Variants in PARVB observed in about 807,000 individuals in gnomAD.
The protein encoded by PARVB is beta-parvin.
PARVB carries 46 observed loss-of-function variants against 47.0 expected under a neutral mutation model. The ratio of observed to expected loss-of-function variants is 0.98; its 90% confidence interval spans 0.77 to 1.25. The LOEUF is 1.25. Among genes scored for constraint, PARVB ranks in the 50% most tolerant of loss-of-function variants. The pLI, the probability that PARVB is intolerant of heterozygous loss-of-function variation, is 0.00. For synonymous variants in PARVB, 196 were observed against 196.3 expected, an observed-to-expected ratio of 1.00 and a Z score of 0.01; for missense variants, 473 against 471.6, an observed-to-expected ratio of 1.00 and a Z score of -0.03.
At chr22:44,032,893 C>T (rs1362298258) in intron 1 of PARVB, among the ~76,000 whole-genome samples, 1 of 152,170 alleles carries the variant, frequency 6.6e-6, no homozygotes, top group East Asian at 1.9e-4. Context: ...GGCTGTCACC[C>T]CCAGAACAGG....
At chr22:44,058,588 T>TCTA (rs2051359414) in intron 1 of PARVB, among the ~76,000 whole-genome samples, 1 of 131,838 alleles carries the variant, frequency 7.6e-6, no homozygotes, top group Non-Finnish European at 1.5e-5. Flanking sequence ...GGAGTCTCAC[T>TCTA]CTGTAGCCCA....
intron 2 of PARVB, among the ~76,000 whole-genome samples, chr22:44,016,508 A>G (rs867692110): frequency 2.0e-4 from 30 of 152,300 alleles, no homozygotes; most frequent in African/African-American, 6.7e-4. Flanking sequence ...CCCCAGACAA[A>G]TGAGGCCACT....
intron 3 of PARVB, among the ~76,000 whole-genome samples, chr22:44,101,743 C>A: frequency 6.9e-6 from 1 of 145,914 alleles, no homozygotes; most frequent in African/African-American, 2.7e-5. Context: ...AGTAAAACTC[C>A]ATCTCACAGA....
At chr22:44,043,591 A>G (rs2051060622) in intron 1 of PARVB, among the ~76,000 whole-genome samples, 1 of 152,106 alleles carries the variant, frequency 6.6e-6, no homozygotes, top group Admixed American at 6.6e-5. Flanking sequence ...GTTGGCCAGG[A>G]TGGTCTCAAT....
At chr22:44,040,742 G>A (rs1193837930) in intron 1 of PARVB, among the ~76,000 whole-genome samples, 7 of 152,300 alleles carry the variant, frequency 4.6e-5, no homozygotes, top group South Asian at 4.1e-4. Flanking sequence ...GAGGCCGGGC[G>A]CGGTGGCTCA....
At chr22:43,999,834 G>GAAAAAAAAAAAAAAAAAAAAAAA (rs113458130) in intron 2 of PARVB, among the ~76,000 whole-genome samples, 1 of 69,362 alleles carries the variant, frequency 1.4e-5, no homozygotes. Flanking sequence ...CCATCTATAT[G>GAAAAAAAAAAAAAAAAAAAAAAA]AAAAAAAAAA....
At chr22:44,020,786 C>G (rs545077169), upstream of PARVB, among the ~76,000 whole-genome samples, 311 of 145,772 alleles carry the variant, frequency 2.1e-3, no homozygotes, top group African/African-American at 7.2e-3. Flanking sequence ...TCTGTCCTTT[C>G]TTTTTTTTTT....
chr22:44,073,962 T>A (rs2051709760), intron 1 of PARVB, among the ~76,000 whole-genome samples: 1 of 152,214 alleles, frequency 6.6e-6, no homozygotes, highest in Admixed American at 6.5e-5. Context: ...GTGCAGCCAT[T>A]TGGTGGACAC....
At chr22:44,160,124 C>T (rs2054020609) in intron 11 of PARVB, among the ~76,000 whole-genome samples, 1 of 152,214 alleles carries the variant, frequency 6.6e-6, no homozygotes, top group African/African-American at 2.4e-5. Flanking sequence ...TGTTGCAAAG[C>T]CACTGTTTGA....
chr22:44,015,936 G>A (rs1014043468), intron 2 of PARVB, among the ~76,000 whole-genome samples: 4 of 152,038 alleles, frequency 2.6e-5, no homozygotes, highest in Non-Finnish European at 5.9e-5. Context: ...TGGCACACCT[G>A]GCCCAACCAA....
intron 1 of PARVB, among the ~76,000 whole-genome samples, chr22:44,083,841 G>A (rs931765377): frequency 6.6e-6 from 1 of 152,176 alleles, no homozygotes; most frequent in Admixed American, 6.6e-5. Context: ...ACCAACGCCA[G>A]CTTTGTGTAT....
intron 9 of PARVB, chr22:44,148,469 C>T (rs2072949): frequency 0.14 from 23,448 of 163,264 alleles, 2,571 homozygotes; most frequent in South Asian, 0.29. Context: ...GGCTTGTTCC[C>T]GTCAAAAGGA....
intron 4 of PARVB, among the ~76,000 whole-genome samples, chr22:44,122,534 GAGAGAGAGAGAGAGAGAGACAC>G (rs2053082016): frequency 1.0e-5 from 1 of 96,844 alleles, no homozygotes; most frequent in African/African-American, 5.0e-5. Flanking sequence ...GAGACAGAGA[GAGAGAGAGAGAGAGAGAGACAC>G]AGAGACAGAG....
chr22:43,999,838 A>AG (rs1271401656), intron 2 of PARVB, among the ~76,000 whole-genome samples: 2 of 130,880 alleles, frequency 1.5e-5, no homozygotes, highest in Admixed American at 7.7e-5. Context: ...CTATATGAAA[A>AG]AAAAAAAAAA....
chr22:44,128,938 C>T (rs924267090), intron 4 of PARVB, among the ~76,000 whole-genome samples: 10 of 152,084 alleles, frequency 6.6e-5, no homozygotes, highest in South Asian at 4.2e-4. Flanking sequence ...ATTACCTGGG[C>T]GTGGTGGCAC....
At chr22:44,114,744 A>G (rs201482905) in intron 3 of PARVB, 7,498 of 90,212 alleles carry the variant, frequency 0.083, 564 homozygotes, top group East Asian at 0.13. Context: ...ACCAACACAG[A>G]TACATTGTTA....
At chr22:44,013,779 C>A (rs1292344201) in intron 2 of PARVB, among the ~76,000 whole-genome samples, 4 of 152,054 alleles carry the variant, frequency 2.6e-5, no homozygotes, top group African/African-American at 7.2e-5. Context: ...ATTACAGGTG[C>A]CCGCCACCAT....
intron 8 of PARVB, chr22:44,140,531 G>A (rs769395054): frequency 1.8e-6 from 1 of 559,594 alleles, no homozygotes; most frequent in South Asian, 1.4e-5. Flanking sequence ...GAGTGGCTCA[G>A]CTCTGTGGAT....
intron 12 of PARVB, among the ~76,000 whole-genome samples, chr22:44,164,542 G>A (rs2054125830): frequency 6.6e-6 from 1 of 152,186 alleles, no homozygotes; most frequent in Non-Finnish European, 1.5e-5. Flanking sequence ...GGCACTGCCT[G>A]TGAACCCTGC....
Sources: allele counts gnomAD v4.1 joint callset (sites outside exome capture counted in the v4.1 genomes callset), GRCh38; gene constraint gnomAD v4.1.1; transcripts MANE v1.5; gene names NCBI Gene and HGNC (gene_info 2026-07-23, HGNC 2026-07-21).